The following BTAF1 variants were observed in gnomAD, a reference collection of about 807,000 sequenced individuals.
BTAF1 encodes TATA-binding protein-associated factor 172.
BTAF1 carries 38 observed loss-of-function variants against 227.1 expected under a neutral mutation model. The ratio of observed to expected loss-of-function variants is 0.17; its 90% CI spans 0.13 to 0.22. The LOEUF is 0.22. BTAF1 is among the 10% of genes least tolerant of loss of function. The pLI is 1.00. For missense variants in BTAF1, 1,598 were observed against 2,204.0 expected (o/e 0.73, Z 5.51); for synonymous variants, 742 against 751.9 (o/e 0.99, Z 0.21).
chr10:91,982,626 T>G lies in BTAF1; in HGVS notation c.2088T>G (p.Gly696=). The stretch of plus-strand genomic sequence containing the variant: ...TTTGTTGCTGTATTTGTGATCCAGG[T>G]GTAAATGTGGTAACTCAAGAAATTA... ...GALCCCICDP[G]VNVVTQEIKP... Residue 696 remains glycine, a synonymous_variant, in exon 18 of 38, where the codon GGT becomes GGG. Transcript: ENST00000265990. 6.2e-7 allele frequency: 1 copy of G among 1,613,866 alleles called. No homozygotes were observed. The highest frequency in any genetic ancestry group is 1.1e-5 in the South Asian group (1 of 91,060).
chr10:91,934,404 T>C (rs528379929), intron 1 of BTAF1, among the ~76,000 whole-genome samples: 2 of 152,056 alleles, frequency 1.3e-5, no homozygotes, highest in South Asian at 4.2e-4. Context: ...ACCTGGCTGA[T>C]TTTTGTATTT....
At chr10:91,999,080 ATTAAG>A (rs1481135862) in intron 25 of BTAF1, among the ~76,000 whole-genome samples, 2 of 150,502 alleles carry the variant, frequency 1.3e-5, no homozygotes, top group African/African-American at 4.9e-5. Flanking sequence ...AAAAAAAAAA[ATTAAG>A]TTATTATGAA....
At chr10:91,972,143 C>T (rs1246925496) in intron 14 of BTAF1, among the ~76,000 whole-genome samples, 1 of 152,168 alleles carries the variant, frequency 6.6e-6, no homozygotes, top group Non-Finnish European at 1.5e-5. Context: ...GCCTCAGTTA[C>T]TCACAAACTG....
At chr10:91,924,176 C>G in intron 1 of BTAF1, 86 bp downstream of exon 1, 2 of 1,535,588 alleles carry the variant, frequency 1.3e-6, no homozygotes, top group East Asian at 2.5e-5. Flanking sequence ...TAGAGAAGAG[C>G]GGTTCTCATT....
At chr10:92,025,327 T>A (rs965900096) in intron 35 of BTAF1, among the ~76,000 whole-genome samples, 5 of 152,062 alleles carry the variant, frequency 3.3e-5, no homozygotes, top group African/African-American at 1.2e-4. Context: ...AATCCCTGTT[T>A]GTGCACTGAG....
chr10:91,996,481 C>A lies in BTAF1; in HGVS notation c.3422C>A (p.Thr1141Lys). Residue 1141 changes from threonine to lysine, a missense_variant, in exon 24 of 38, where the codon ACA becomes AAA. Physicochemically the swap from Thr to Lys is moderately conservative, Grantham distance 78. This residue lies in a region of BTAF1 where 425 missense variants were observed against 491.2 expected (regional missense o/e 0.87). Coordinates refer to ENST00000265990, the MANE Select transcript of BTAF1 (RefSeq NM_003972.3). The part of the protein sequence containing the change: ...GVMSKIATME[T>K]MNIFLEKVLP... Reference sequence around the variant, plus strand: ...ATGAGCAAAATAGCTACCATGGAAACAATGAATATTTTTTTGGAGAAGGTT... The same window carrying A: ...ATGAGCAAAATAGCTACCATGGAAAAAATGAATATTTTTTTGGAGAAGGTT... 1.9e-6 allele frequency: 3 copies of A among 1,614,110 alleles called. No homozygotes were observed. Among genetic ancestry groups the A allele is most frequent in the Non-Finnish European group, 2.5e-6 (3 of 1,180,020 alleles).
At chr10:92,024,280 C>A (rs1477265023) in intron 34 of BTAF1, among the ~76,000 whole-genome samples, 1 of 152,128 alleles carries the variant, frequency 6.6e-6, no homozygotes, top group Admixed American at 6.5e-5. Context: ...TATTGAATAA[C>A]CCTTTAGGAA....
At chr10:91,950,486 T>A (rs1845698123) in intron 4 of BTAF1, among the ~76,000 whole-genome samples, 1 of 152,134 alleles carries the variant, frequency 6.6e-6, no homozygotes, top group Non-Finnish European at 1.5e-5. Context: ...AATATCAAAT[T>A]TTTTTCAGTA....
At chr10:91,933,101 G>A (rs1844382868) in intron 1 of BTAF1, among the ~76,000 whole-genome samples, 1 of 152,182 alleles carries the variant, frequency 6.6e-6, no homozygotes. Context: ...CTTGAGGAGG[G>A]GTGAGCCACT....
rs1411148391 is a variant in BTAF1 at position 91,982,576 on chromosome 10, C to T, written c.2049-11C>T. ...AATTTCTTATAGTAACTTCCTTTTT[C>T]TCCCTCTTAGGTTGTTAGGAGCACT... On this transcript the variant is annotated splice_polypyrimidine_tract_variant and intron_variant, in intron 17 of 37. Transcript: ENST00000265990. The T allele has an allele frequency of 6.3e-7, 1 of 1,579,656 alleles. No individual in the cohort carries two copies. Among genetic ancestry groups the T allele is most frequent in the Admixed American group, 1.9e-5 (1 of 52,076 alleles).
intron 14 of BTAF1, among the ~76,000 whole-genome samples, chr10:91,967,570 T>G (rs2133925653): frequency 6.6e-6 from 1 of 152,216 alleles, no homozygotes; most frequent in East Asian, 1.9e-4. Context: ...AGACTTGCCT[T>G]AGTGTGCAGC....
At chr10:91,945,208 T>C (rs947989641) in intron 4 of BTAF1, among the ~76,000 whole-genome samples, 4 of 152,158 alleles carry the variant, frequency 2.6e-5, no homozygotes, top group African/African-American at 9.7e-5. Flanking sequence ...TTTTCAAGGT[T>C]CATCTATATG....
intron 24 of BTAF1, 22 bp downstream of exon 24, chr10:91,996,592 A>C: frequency 6.2e-7 from 1 of 1,604,988 alleles, no homozygotes; most frequent in Non-Finnish European, 8.5e-7. Flanking sequence ...CATTTGACAA[A>C]CTGTTCAGGA....
intron 12 of BTAF1, among the ~76,000 whole-genome samples, chr10:91,963,764 C>G (rs987548232): frequency 1.3e-5 from 2 of 152,130 alleles, no homozygotes; most frequent in African/African-American, 4.8e-5. Context: ...TGTCTCGATG[C>G]TCTGTTGTTT....
chr10:91,989,019 C>A, intron 19 of BTAF1, 135 bp from the exon 20 acceptor site: 1 of 677,736 alleles, frequency 1.5e-6, no homozygotes, highest in Non-Finnish European at 2.4e-6. Context: ...CATTAGTTTA[C>A]TGAGTACTAA....
At chr10:91,985,018 A>T (rs1292631159) in intron 19 of BTAF1, among the ~76,000 whole-genome samples, 3 of 152,084 alleles carry the variant, frequency 2.0e-5, no homozygotes, top group Non-Finnish European at 4.4e-5. Flanking sequence ...GGAAAAATTT[A>T]TGTGCTAAAG....
intron 4 of BTAF1, among the ~76,000 whole-genome samples, chr10:91,947,313 C>A (rs1845439175): frequency 1.3e-5 from 2 of 152,062 alleles, no homozygotes; most frequent in Non-Finnish European, 2.9e-5. Flanking sequence ...AGCTCATTTA[C>A]CTCTGTTTTC....
At chr10:91,980,636 G>C in intron 15 of BTAF1, 78 bp downstream of exon 15, 2 of 1,110,294 alleles carry the variant, frequency 1.8e-6, no homozygotes, top group Non-Finnish European at 2.7e-6. Flanking sequence ...TTGCTGTTCT[G>C]TTGGTCATTC....
In BTAF1 at chr10:92,029,102, A is replaced by T; in HGVS notation, c.*169A>T. 1.8e-6 allele frequency: 1 copy of T among 558,068 alleles called. No individual in the cohort carries two copies. Among genetic ancestry groups the T allele is most frequent in the Non-Finnish European group, 2.9e-6 (1 of 341,188 alleles). 34.6% of individuals were successfully genotyped at this position (558,068 alleles called of 1,614,324 possible). ...ACTGGGGGAAACAAGTTATTCTCAAATATTTGCACTGTATTAAATTTAAAT... is the reference window on the plus strand; with the variant it reads ...ACTGGGGGAAACAAGTTATTCTCAATTATTTGCACTGTATTAAATTTAAAT... On this transcript the variant is annotated 3_prime_UTR_variant, in exon 38 of 38. Transcript: ENST00000265990.
Sources: gnomAD v4.1 joint callset for allele counts (sites outside exome capture counted in the v4.1 genomes callset) on GRCh38, gnomAD v4.1.1 for gene constraint, gnomAD v4.1.1 regional missense constraint, MANE v1.5 for transcripts, NCBI Gene and HGNC (gene_info 2026-07-23, HGNC 2026-07-21) for gene names.